The following DGKB variants were observed in gnomAD, a reference collection of about 807,000 sequenced individuals.
DGKB encodes 90 kDa diacylglycerol kinase.
In DGKB, 67 loss-of-function variants were observed where a neutral mutation model predicts 114.3. That is an observed-to-expected ratio of 0.59 (90% CI 0.48 to 0.72). DGKB has a LOEUF of 0.72. DGKB is among the 30% of genes least tolerant of loss of function. The pLI, the probability that DGKB is intolerant of heterozygous loss-of-function variation, is 0.00. For synonymous variants in DGKB, 398 were observed against 323.1 expected (o/e 1.23, Z -2.49); for missense variants, 907 against 975.2 (o/e 0.93, Z 0.93).
intron 14 of DGKB, among the ~76,000 whole-genome samples, chr7:14,626,171 A>T (rs180683688): frequency 6.6e-6 from 1 of 152,202 alleles, no homozygotes; most frequent in Non-Finnish European, 1.5e-5. Context: ...CTGCTTTCAC[A>T]AAAGGGTTGT....
In DGKB at chr7:14,198,270, T is replaced by G. The variant is rs563507165; in HGVS notation, c.2123-20119A>C. Among the ~76,000 whole-genome samples the G allele has an allele frequency of 3.3e-5, 5 of 151,924 alleles. No homozygotes were observed. In the East Asian group the frequency reaches 9.7e-4, roughly 30 times the overall value. On this transcript the variant is annotated intron_variant, in intron 23 of 25. Coordinates refer to ENST00000402815, the MANE Select transcript of DGKB (RefSeq NM_001350709.2). ...GGAAAACTAAGGTGAGAAGAAAAAATTTCATTAGGGAAATATACAGCAGTT... is the reference window on the plus strand; with the variant it reads ...GGAAAACTAAGGTGAGAAGAAAAAAGTTCATTAGGGAAATATACAGCAGTT...
chr7:14,971,651 T>G (rs947326081), intron 1 of DGKB, among the ~76,000 whole-genome samples: 2 of 151,932 alleles, frequency 1.3e-5, no homozygotes, highest in Non-Finnish European at 2.9e-5. Flanking sequence ...ATTAAACGTA[T>G]CAAATGCAAC....
intron 23 of DGKB, chr7:14,209,397 G>T: frequency 2.1e-6 from 1 of 468,184 alleles, no homozygotes; most frequent in Middle Eastern, 3.3e-4. Flanking sequence ...ATAAAAACAA[G>T]ATCAAAACAT....
chr7:14,457,949 A>ACTTTTTTT (rs1355735274), intron 21 of DGKB, among the ~76,000 whole-genome samples: 2 of 152,236 alleles, frequency 1.3e-5, no homozygotes, highest in Non-Finnish European at 2.9e-5. Flanking sequence ...TATGCTTAAT[A>ACTTTTTTT]GGGAAGGACT....
intron 2 of DGKB, among the ~76,000 whole-genome samples, chr7:14,775,969 G>T (rs1838107418): frequency 6.6e-6 from 1 of 152,036 alleles, no homozygotes; most frequent in Non-Finnish European, 1.5e-5. Flanking sequence ...GAGAAAGTTT[G>T]GAACTTTCCA....
chr7:14,551,812 T>A lies in DGKB; in HGVS notation c.1770+22400A>T, dbSNP rs1040546109. Among the ~76,000 whole-genome samples the A allele has an allele frequency of 5.3e-5, 8 of 152,276 alleles. No homozygotes were observed. The East Asian group carries it at 1.2e-3, about 22-fold the overall frequency. On this transcript the variant is annotated intron_variant, in intron 20 of 25. Coordinates refer to ENST00000402815, the MANE Select transcript of DGKB (RefSeq NM_001350709.2). ...TCAGTAAGAAATGGGTTTGCTTAAA[T>A]CTTTCATTATTTTAACATTTATTAT...
chr7:14,916,323 C>T (rs1325745313), intron 1 of DGKB, among the ~76,000 whole-genome samples: 1 of 151,898 alleles, frequency 6.6e-6, no homozygotes, highest in Non-Finnish European at 1.5e-5. Context: ...TAAGAAGTTA[C>T]AATCAAGCTA....
At chr7:14,563,231 T>A (rs117017542) in intron 20 of DGKB, among the ~76,000 whole-genome samples, 1 of 152,224 alleles carries the variant, frequency 6.6e-6, no homozygotes, top group Non-Finnish European at 1.5e-5. Flanking sequence ...TTTTTCTTTA[T>A]AAATTACGTA....
At chr7:14,383,925 G>A (rs552794529) in intron 21 of DGKB, among the ~76,000 whole-genome samples, 3 of 152,224 alleles carry the variant, frequency 2.0e-5, no homozygotes, top group African/African-American at 7.2e-5. Flanking sequence ...CATGTTAATT[G>A]GCATTCATAC....
chr7:14,883,299 T>G (rs1401958475), intron 1 of DGKB, among the ~76,000 whole-genome samples: 1 of 151,952 alleles, frequency 6.6e-6, no homozygotes, highest in Admixed American at 6.6e-5. Context: ...AGGGTCTATC[T>G]TCCCCTAAAG....
At chr7:14,871,619 G>T (rs1022131598) in intron 1 of DGKB, among the ~76,000 whole-genome samples, 1 of 152,150 alleles carries the variant, frequency 6.6e-6, no homozygotes, top group Non-Finnish European at 1.5e-5. Context: ...TGACTGAGAA[G>T]AATTAGGCCT....
At chr7:14,369,871 T>A (rs1310819209) in intron 21 of DGKB, among the ~76,000 whole-genome samples, 1 of 151,344 alleles carries the variant, frequency 6.6e-6, no homozygotes, top group Non-Finnish European at 1.5e-5. Flanking sequence ...TCTGTAAAAT[T>A]ATGTAAATGC....
chr7:14,615,556 T>A (rs1448472157), intron 15 of DGKB, among the ~76,000 whole-genome samples: 1 of 151,684 alleles, frequency 6.6e-6, no homozygotes, highest in Non-Finnish European at 1.5e-5. Context: ...TTTTTAGGGG[T>A]AGTTAAATGG....
intron 1 of DGKB, among the ~76,000 whole-genome samples, chr7:14,889,474 G>T (rs1216533531): frequency 6.6e-6 from 1 of 151,522 alleles, no homozygotes; most frequent in Non-Finnish European, 1.5e-5. Context: ...TTCCAGTGTA[G>T]TAGGCCTGGT....
intron 21 of DGKB, among the ~76,000 whole-genome samples, chr7:14,471,810 TGAAA>T (rs1781455533): frequency 3.3e-5 from 5 of 152,016 alleles, no homozygotes; most frequent in Non-Finnish European, 5.9e-5. Flanking sequence ...AAATATACCA[TGAAA>T]TAGTAAATAA....
intron 21 of DGKB, among the ~76,000 whole-genome samples, chr7:14,358,211 C>T (rs902637590): frequency 3.3e-5 from 5 of 152,246 alleles, no homozygotes; most frequent in East Asian, 1.9e-4. Flanking sequence ...TCATTCTCCC[C>T]GTCACTTTCA....
At position 14,178,096 on chromosome 7, in the gene DGKB, C is replaced by T. The variant is rs1782054529; in HGVS notation, c.2178G>A (p.Gly726=). 6 of 1,612,460 alleles carry T rather than the reference C, an allele frequency of 3.7e-6. No individual in the cohort carries two copies. The African/African-American group carries it at 4.0e-5, about 11-fold the overall frequency. Residue 726 remains glycine, a synonymous_variant, in exon 24 of 26, where the codon GGG becomes GGA. Coordinates refer to ENST00000402815, the MANE Select transcript of DGKB (RefSeq NM_001350709.2). Reference sequence around the variant, plus strand: ...CACTTTTCAGGCCTGTGTATATTTGCCCCATCTCCATGGCTCCTTCCAAGC... The same window carrying T: ...CACTTTTCAGGCCTGTGTATATTTGTCCCATCTCCATGGCTCCTTCCAAGC... ...VVGLEGAMEM[G]QIYTGLKSAG... is the part of the protein sequence containing the mutation.
chr7:14,814,294 T>G (rs1000493557), intron 2 of DGKB: 8 of 152,148 alleles, frequency 5.3e-5, no homozygotes, highest in African/African-American at 1.9e-4. Context: ...TACAACCACT[T>G]TATTACCAGA....
At chr7:14,837,514 T>C (rs759754609) in intron 2 of DGKB, among the ~76,000 whole-genome samples, 1 of 152,238 alleles carries the variant, frequency 6.6e-6, no homozygotes, top group South Asian at 2.1e-4. Context: ...CCAAATATAA[T>C]CTTAGCATGT....
Sources: allele counts gnomAD v4.1 joint callset (sites outside exome capture counted in the v4.1 genomes callset), GRCh38; gene constraint gnomAD v4.1.1; transcripts MANE v1.5; gene names NCBI Gene and HGNC (gene_info 2026-07-23, HGNC 2026-07-21).